The following PPP1R13B variants were observed in gnomAD, a reference collection of about 807,000 sequenced individuals.
PPP1R13B encodes the protein protein phosphatase 1 regulatory subunit 13B.
PPP1R13B carries 44 observed loss-of-function variants against 119.8 expected under a neutral mutation model. The ratio of observed to expected loss-of-function variants is 0.37; its 90% CI spans 0.29 to 0.47. The LOEUF (loss-of-function observed/expected upper bound fraction) is 0.47, where lower values mean the gene tolerates loss of function less well. PPP1R13B is among the 20% of genes least tolerant of loss of function. The pLI, the probability that PPP1R13B is intolerant of heterozygous loss-of-function variation, is 0.99. For synonymous variants in PPP1R13B, 542 were observed against 561.5 expected (o/e 0.97, Z 0.49); for missense variants, 1,227 against 1,413.5 (o/e 0.87, Z 2.12).
intron 2 of PPP1R13B, among the ~76,000 whole-genome samples, chr14:103,793,986 T>C (rs558216451): frequency 1.8e-4 from 28 of 152,168 alleles, no homozygotes; most frequent in Non-Finnish European, 4.1e-4. Context: ...CCAATATGAC[T>C]AGTGTCCTTA....
intron 1 of PPP1R13B, among the ~76,000 whole-genome samples, chr14:103,797,780 G>T (rs2085794539): frequency 6.6e-6 from 1 of 151,482 alleles, no homozygotes. Flanking sequence ...GACAGCAGTA[G>T]ATATATATAT....
At chr14:103,758,376 G>A (rs1012914549) in intron 4 of PPP1R13B, among the ~76,000 whole-genome samples, 5 of 151,988 alleles carry the variant, frequency 3.3e-5, no homozygotes, top group African/African-American at 1.2e-4. Context: ...GACCCATTTC[G>A]GCCTCAGAAT....
intron 12 of PPP1R13B, 142 bp downstream of exon 12, chr14:103,739,682 C>T (rs779511201): frequency 1.8e-5 from 19 of 1,027,670 alleles, no homozygotes; most frequent in Non-Finnish European, 2.6e-5. Flanking sequence ...GTGTGACTGT[C>T]CGTCCTCCCT....
chr14:103,823,631 T>C (rs1158078920), intron 1 of PPP1R13B, among the ~76,000 whole-genome samples: 3 of 152,058 alleles, frequency 2.0e-5, no homozygotes, highest in Admixed American at 2.0e-4. Context: ...ATTTCAACCA[T>C]CAAAATTATT....
intron 4 of PPP1R13B, among the ~76,000 whole-genome samples, chr14:103,777,143 C>T (rs1034761136): frequency 1.3e-5 from 2 of 151,776 alleles, no homozygotes; most frequent in Non-Finnish European, 2.9e-5. Context: ...CAGGCGCATG[C>T]CACCACGACC....
In PPP1R13B at chr14:103,733,237, A is replaced by C; in HGVS notation, c.*1917T>G. 1.7e-6 allele frequency: 1 copy of C among 601,498 alleles called. No homozygotes were observed. Among genetic ancestry groups the C allele is most frequent in the Non-Finnish European group, 2.9e-6 (1 of 348,478 alleles). 37.3% of individuals were successfully genotyped at this position (601,498 alleles called of 1,614,324 possible). On this transcript the variant is annotated 3_prime_UTR_variant, in exon 17 of 17. Transcript: ENST00000202556. ...CAGCTTCATGTTTTAGAATTTGTGT[A>C]TTGTCAATACTTAATTGGGGGTGGG...
In PPP1R13B at chr14:103,742,029, G is replaced by A; in HGVS notation, c.1583C>T (p.Pro528Leu). ...AGGTGGTCCCGCTGGCGGGTACGTG[G>A]GACTTGGCGGTACGGAAATCCTCTG... The part of the protein sequence containing the change: ...IQQRISVPPS[P>L]TYPPAGPPAF... The change falls in exon 11 of 17, where the codon CCC (proline) becomes CTC (leucine). Residue 528 changes from proline (P) to leucine (L), a missense_variant. Transcript: ENST00000202556. The surrounding 1 kb of genome is among the most constrained non-coding windows in gnomAD (Gnocchi z 4.9). The A allele has an allele frequency of 6.2e-7, 1 of 1,614,260 alleles. No individual in the cohort carries two copies. The highest frequency in any genetic ancestry group is 1.3e-5 in the African/African-American group (1 of 75,076).
intron 16 of PPP1R13B, 57 bp from the exon 17 acceptor site, chr14:103,735,252 G>A (rs1472086583): frequency 1.9e-6 from 3 of 1,583,260 alleles, no homozygotes; most frequent in African/African-American, 1.3e-5. Flanking sequence ...AGCAGGGCCA[G>A]CCAGACCCGA....
Position 103,733,213 on chromosome 14 carries a change from A to G in PPP1R13B, c.*1941T>C, listed in dbSNP as rs1162660903. 4 of 668,352 alleles carry G rather than the reference A, an allele frequency of 6.0e-6. No homozygotes were observed. The highest frequency in any genetic ancestry group is 1.0e-5 in the Non-Finnish European group (4 of 401,648). 41.4% of individuals were successfully genotyped at this position (668,352 alleles called of 1,614,324 possible). Reference sequence around the variant, plus strand: ...TTCACAGTTTATTAATGCTTTAAACAGCTTCATGTTTTAGAATTTGTGTAT... The same window carrying G: ...TTCACAGTTTATTAATGCTTTAAACGGCTTCATGTTTTAGAATTTGTGTAT... On this transcript the variant is annotated 3_prime_UTR_variant, in exon 17 of 17. Transcript: ENST00000202556.
At chr14:103,771,006 C>T (rs1199412549) in intron 4 of PPP1R13B, among the ~76,000 whole-genome samples, 2 of 152,086 alleles carry the variant, frequency 1.3e-5, no homozygotes, top group Non-Finnish European at 2.9e-5. Context: ...AGAGGAGATG[C>T]CCACAAACGT....
chr14:103,824,927 T>C (rs1354451904), intron 1 of PPP1R13B, among the ~76,000 whole-genome samples: 2 of 149,010 alleles, frequency 1.3e-5, no homozygotes, highest in African/African-American at 5.0e-5. Context: ...CTTTGCTTTA[T>C]TGAGTTCTGC....
At chr14:103,770,105 C>A (rs868306285) in intron 4 of PPP1R13B, among the ~76,000 whole-genome samples, 12 of 151,490 alleles carry the variant, frequency 7.9e-5, no homozygotes, top group Middle Eastern at 3.2e-3. Flanking sequence ...GTTGTCCAGA[C>A]TGGTCTCAAA....
intron 1 of PPP1R13B, among the ~76,000 whole-genome samples, chr14:103,836,445 T>G (rs1013426657): frequency 1.3e-5 from 2 of 152,038 alleles, no homozygotes. Context: ...TTTTTACAAA[T>G]AGGAAAATAA....
chr14:103,805,452 T>C (rs750246844), intron 1 of PPP1R13B, among the ~76,000 whole-genome samples: 10 of 151,976 alleles, frequency 6.6e-5, no homozygotes, highest in Non-Finnish European at 1.3e-4. Context: ...ACGTCTATAG[T>C]CCCAGCTACT....
chr14:103,846,723 C>T, intron 1 of PPP1R13B: 1 of 456,148 alleles, frequency 2.2e-6, no homozygotes, highest in Non-Finnish European at 4.4e-6. Context: ...TACAAACGAA[C>T]CTCGTTCAAC....
chr14:103,736,595 G>A (rs1473794270), intron 15 of PPP1R13B: 1 of 184,358 alleles, frequency 5.4e-6, no homozygotes, highest in African/African-American at 2.3e-5. Context: ...AGCCCTGACT[G>A]AGCAGCTACT....
intron 1 of PPP1R13B, among the ~76,000 whole-genome samples, chr14:103,820,498 T>TC (rs2086382389): frequency 6.6e-6 from 1 of 151,966 alleles, no homozygotes; most frequent in African/African-American, 2.4e-5. Flanking sequence ...GTCCTTTTTT[T>TC]TTTTTTAATA....
intron 1 of PPP1R13B, among the ~76,000 whole-genome samples, chr14:103,834,824 C>G (rs938418959): frequency 6.6e-6 from 1 of 151,948 alleles, no homozygotes; most frequent in African/African-American, 2.4e-5. Context: ...AACTCCTGAC[C>G]TCAGGTAAGC....
At chr14:103,744,831 C>T (rs2084348636) in intron 9 of PPP1R13B, among the ~76,000 whole-genome samples, 1 of 152,222 alleles carries the variant, frequency 6.6e-6, no homozygotes, top group South Asian at 2.1e-4. Flanking sequence ...TGAAGGTGAG[C>T]ACAGGTTCCC....
Sources: gnomAD v4.1 joint callset for allele counts (sites outside exome capture counted in the v4.1 genomes callset) on GRCh38, gnomAD v4.1.1 for gene constraint, Gnocchi (gnomAD v3.1) non-coding constraint, MANE v1.5 for transcripts, NCBI Gene and HGNC (gene_info 2026-07-23, HGNC 2026-07-21) for gene names.